Variants in GALK2 observed in about 807,000 individuals in gnomAD.
GALK2 encodes N-acetylgalactosamine kinase.
GALK2 carries 36 observed loss-of-function variants against 52.4 expected under a neutral mutation model. The ratio of observed to expected loss-of-function variants is 0.69; its 90% confidence interval spans 0.53 to 0.91. The LOEUF is 0.91. Ranked by LOEUF, GALK2 falls within the 40% of genes least tolerant of loss-of-function variation. The pLI is 0.00. For synonymous variants in GALK2, 176 were observed against 199.1 expected, an observed-to-expected ratio of 0.88 and a Z score of 0.98; for missense variants, 579 against 559.1, an observed-to-expected ratio of 1.04 and a Z score of -0.36.
intron 8 of GALK2, among the ~76,000 whole-genome samples, chr15:49,301,486 A>C (rs957446986): frequency 6.6e-6 from 1 of 150,638 alleles, no homozygotes; most frequent in African/African-American, 2.5e-5. Flanking sequence ...CCCAAGAAGA[A>C]AATTTGAAGC....
At chr15:49,327,053 T>C (rs932806487) in intron 9 of GALK2, 1 of 152,160 alleles carries the variant, frequency 6.6e-6, no homozygotes, top group Non-Finnish European at 1.5e-5. Context: ...TTAACTTTCG[T>C]GTCAGGATAA....
downstream of GALK2, chr15:49,335,493 T>G: frequency 6.2e-7 from 1 of 1,612,004 alleles, no homozygotes; most frequent in Non-Finnish European, 8.5e-7. Context: ...TTGGAGCAGG[T>G]AGTGTGCTAG....
chr15:49,224,320 C>T (rs1299043607), intron 3 of GALK2, among the ~76,000 whole-genome samples: 25 of 152,184 alleles, frequency 1.6e-4, no homozygotes, highest in Admixed American at 5.2e-4. Context: ...TAGTTTCTTT[C>T]GCTGTGCAGA....
At chr15:49,228,688 T>TATATATATATATATATATACATACATATA in intron 3 of GALK2, among the ~76,000 whole-genome samples, 2 of 10,452 alleles carry the variant, frequency 1.9e-4, no homozygotes, top group African/African-American at 6.8e-4. Flanking sequence ...TATATATATA[T>TATATATATATATATATATACATACATATA]TTTTTTTTTT....
intron 1 of GALK2, among the ~76,000 whole-genome samples, chr15:49,189,674 A>T (rs2086592546): frequency 6.6e-6 from 1 of 152,148 alleles, no homozygotes; most frequent in Admixed American, 6.6e-5. Context: ...TATAGAGACA[A>T]TACAGAGTCA....
At position 49,331,690 on chromosome 15, in the gene GALK2, GCCA is replaced by G. The variant is rs2038785250; in HGVS notation, c.*3535_*3537del. 2 of 783,708 alleles carry G rather than the reference GCCA, an allele frequency of 2.6e-6. No individual in the cohort carries two copies. The highest frequency in any genetic ancestry group is 4.5e-6 in the Non-Finnish European group (2 of 447,714). The allele number at this position is 783,708 out of a possible 1,614,324, so 48.5% of individuals were successfully genotyped here. ...TCTCCTGCCACTGTAATTTGGGTGT[GCCA>G]CCATACATTGCTTATGAAATATTGT... On this transcript the variant is annotated 3_prime_UTR_variant, in exon 10 of 10. Transcript: ENST00000560031.
intron 3 of GALK2, among the ~76,000 whole-genome samples, chr15:49,361,171 A>G (rs1420052001): frequency 6.6e-6 from 1 of 152,198 alleles, no homozygotes; most frequent in Non-Finnish European, 1.5e-5. Context: ...TACCCCATAA[A>G]TATATACAAT....
At chr15:49,170,130 T>A (rs1365137406), upstream of GALK2, 50 of 1,319,710 alleles carry the variant, frequency 3.8e-5, no homozygotes, top group South Asian at 7.3e-4. Context: ...GAACCCTGGC[T>A]GAGTCCAGGG....
At chr15:49,284,602 C>A (rs1452577300) in intron 7 of GALK2, among the ~76,000 whole-genome samples, 1 of 152,160 alleles carries the variant, frequency 6.6e-6, no homozygotes, top group African/African-American at 2.4e-5. Context: ...ATGGATATCA[C>A]CTAAGACTTA....
chr15:49,157,486 G>T (rs987951177), intron 1 of GALK2, among the ~76,000 whole-genome samples: 5 of 152,134 alleles, frequency 3.3e-5, no homozygotes, highest in Admixed American at 6.5e-5. Flanking sequence ...GTAATTAGTG[G>T]TGTTTACGAA....
chr15:49,351,890 A>G (rs570186988), intron 3 of GALK2, among the ~76,000 whole-genome samples: 5 of 152,324 alleles, frequency 3.3e-5, no homozygotes, highest in Admixed American at 2.0e-4. Flanking sequence ...TTAGTTGTCT[A>G]TTGCTATATA....
intron 7 of GALK2, among the ~76,000 whole-genome samples, chr15:49,291,952 G>A (rs1174827351): frequency 6.6e-6 from 1 of 152,066 alleles, no homozygotes; most frequent in East Asian, 1.9e-4. Flanking sequence ...GTTTTCTCTT[G>A]ACTTCCTAGG....
rs758074597 is a variant in GALK2, at chr15:49,258,792, A to ATG, written c.504+19426_504+19427insGT. 3.5e-3 allele frequency among the ~76,000 whole-genome samples: 452 copies of ATG among 130,828 alleles called. 1 individual carries two copies. The highest frequency in any genetic ancestry group is 0.019 in the East Asian group (86 of 4,416). The allele number at this position is 130,828 out of a possible 152,430, so 85.8% of individuals were successfully genotyped here. A position where few individuals can be genotyped will look rare whatever the true frequency, so the allele number is the denominator to read the frequency against. Reference sequence around the variant, plus strand: ...TATTTGGAAGCATATATATATATATATATGTGTGTGTGTGTGTGTGTGTGT... The same window carrying ATG: ...TATTTGGAAGCATATATATATATATATGTATGTGTGTGTGTGTGTGTGTGTGT... On this transcript the variant is annotated intron_variant, in intron 5 of 9. Coordinates refer to ENST00000560031, the MANE Select transcript of GALK2 (RefSeq NM_002044.4).
intron 3 of GALK2, among the ~76,000 whole-genome samples, chr15:49,227,125 A>C (rs1418303916): frequency 6.6e-6 from 1 of 152,106 alleles, no homozygotes; most frequent in East Asian, 1.9e-4. Context: ...ATGTTTTGTA[A>C]ATTTCTGTTA....
At chr15:49,331,954 C>T, downstream of GALK2, 1 of 722,146 alleles carries the variant, frequency 1.4e-6, no homozygotes. Context: ...GGGCATTCGT[C>T]AAGCACTTTA....
At chr15:49,251,308 A>G (rs1363563452) in intron 5 of GALK2, among the ~76,000 whole-genome samples, 1 of 152,248 alleles carries the variant, frequency 6.6e-6, no homozygotes, top group Non-Finnish European at 1.5e-5. Context: ...CCATATTAAC[A>G]GTAAAACATG....
In GALK2 at chr15:49,331,223, C is replaced by CGTA. The variant is rs1245486864; in HGVS notation, c.*3064_*3065insGTA. 1.3e-5 allele frequency: 2 copies of CGTA among 152,764 alleles called. No homozygotes were observed. The highest frequency in any genetic ancestry group is 2.9e-5 in the Non-Finnish European group (2 of 68,488). The allele number at this position is 152,764 out of a possible 1,614,324, so 9.5% of individuals were successfully genotyped here. On this transcript the variant is annotated 3_prime_UTR_variant, in exon 10 of 10. Transcript: ENST00000560031. ...GCATTCAGACATATTGTACACTAGT[C>CGTA]TCTACATGTTCTTGTCTGTTGGGAG...
intron 1 of GALK2, among the ~76,000 whole-genome samples, chr15:49,160,893 G>A (rs961246903): frequency 6.6e-6 from 1 of 151,594 alleles, no homozygotes; most frequent in South Asian, 2.1e-4. Flanking sequence ...AAAATTAATA[G>A]CACCCATCAC....
intron 3 of GALK2, among the ~76,000 whole-genome samples, chr15:49,233,685 T>C (rs918657415): frequency 2.0e-5 from 3 of 152,220 alleles, no homozygotes; most frequent in Non-Finnish European, 2.9e-5. Context: ...GAGCAACATA[T>C]TTTCAACTTC....
Sources: allele counts gnomAD v4.1 joint callset (sites outside exome capture counted in the v4.1 genomes callset), GRCh38; gene constraint gnomAD v4.1.1; transcripts MANE v1.5; gene names NCBI Gene and HGNC (gene_info 2026-07-23, HGNC 2026-07-21).